Variants in SLC25A42 observed in about 807,000 individuals in gnomAD.
The protein encoded by SLC25A42 is mitochondrial coenzyme A transporter SLC25A42.
In SLC25A42, 19 loss-of-function variants were observed where a neutral mutation model predicts 34.7. The observed-to-expected ratio is 0.55, with a 90% CI of 0.38 to 0.80. The LOEUF is 0.80. Ranked by LOEUF, SLC25A42 falls within the 30% of genes least tolerant of loss-of-function variation. The probability of loss-of-function intolerance (pLI) is 0.00; values close to 1 mark genes in which losing one functional copy is unlikely to be tolerated. For missense variants in SLC25A42, 364 were observed against 441.3 expected (o/e 0.82, Z 1.57); for synonymous variants, 205 against 191.2 (o/e 1.07, Z -0.59).
chr19:19,088,168 C>G (rs1184643005), intron 1 of SLC25A42, among the ~76,000 whole-genome samples: 1 of 151,824 alleles, frequency 6.6e-6, no homozygotes, highest in Non-Finnish European at 1.5e-5. Context: ...GGTTCCAGAC[C>G]CCACCCCAGC....
At chr19:19,087,412 C>G (rs528776130) in intron 1 of SLC25A42, among the ~76,000 whole-genome samples, 3 of 152,108 alleles carry the variant, frequency 2.0e-5, no homozygotes, top group Admixed American at 2.0e-4. Context: ...CTCGGCCTCC[C>G]GAGTAGCTGG....
chr19:19,090,210 G>A (rs1480477203), intron 1 of SLC25A42, among the ~76,000 whole-genome samples: 4 of 152,080 alleles, frequency 2.6e-5, no homozygotes, highest in Admixed American at 2.6e-4. Flanking sequence ...AGGAGCTCCC[G>A]TGTCAGTTTC....
At chr19:19,095,523 G>A (rs1319855874) in intron 1 of SLC25A42, among the ~76,000 whole-genome samples, 1 of 152,166 alleles carries the variant, frequency 6.6e-6, no homozygotes, top group Non-Finnish European at 1.5e-5. Context: ...TGAAGCACAA[G>A]AATTGCTTAA....
In SLC25A42 at chr19:19,109,973, C is replaced by T. The variant is rs1211701683; in HGVS notation, c.650-596C>T. On this transcript the variant is annotated intron_variant, in intron 7 of 7. Transcript: ENST00000318596. The surrounding 1 kb of genome is among the most constrained non-coding windows in gnomAD (Gnocchi z 4.1). ...GCACCTAGAATGTTCCTTTACTAGA[C>T]GTGGAGTAGAGCTGATTAGATGTGA... is the stretch of plus-strand genomic sequence containing the variant. Among the ~76,000 whole-genome samples, 2 of 152,104 alleles carry T rather than the reference C, an allele frequency of 1.3e-5. No homozygotes were observed. The highest frequency in any genetic ancestry group is 2.4e-5 in the African/African-American group (1 of 41,414).
intron 1 of SLC25A42, among the ~76,000 whole-genome samples, chr19:19,088,127 T>C (rs2059717638): frequency 6.6e-6 from 1 of 152,110 alleles, no homozygotes; most frequent in Non-Finnish European, 1.5e-5. Flanking sequence ...CCTGCACCTC[T>C]TCTGCCTCTT....
chr19:19,093,387 G>A (rs1452252140), intron 1 of SLC25A42, among the ~76,000 whole-genome samples: 2 of 152,196 alleles, frequency 1.3e-5, no homozygotes, highest in South Asian at 2.1e-4. Flanking sequence ...CACATCTAGC[G>A]TCCCTTACGC....
intron 6 of SLC25A42, 63 bp from the exon 7 acceptor site, chr19:19,107,831 T>C: frequency 6.3e-7 from 1 of 1,590,834 alleles, no homozygotes; most frequent in South Asian, 1.1e-5. Flanking sequence ...CGAGAGCCTC[T>C]GTGGCTCCTC....
At chr19:19,064,682 G>A (rs1057412752) in intron 1 of SLC25A42, among the ~76,000 whole-genome samples, 3 of 145,312 alleles carry the variant, frequency 2.1e-5, no homozygotes, top group Non-Finnish European at 3.0e-5. Context: ...CCTGGCACCT[G>A]CCCTCTGCCC....
At chr19:19,083,329 C>A (rs2059690517) in intron 1 of SLC25A42, among the ~76,000 whole-genome samples, 1 of 152,212 alleles carries the variant, frequency 6.6e-6, no homozygotes, top group Non-Finnish European at 1.5e-5. Flanking sequence ...TCTCAAGACC[C>A]TTAACTTCAT....
intron 6 of SLC25A42, among the ~76,000 whole-genome samples, 187 bp from the exon 7 acceptor site, chr19:19,107,707 C>T (rs528186802): frequency 1.1e-3 from 173 of 152,254 alleles, no homozygotes; most frequent in South Asian, 7.3e-3. Flanking sequence ...TCTGGGCTTA[C>T]GCATGCATTT....
In SLC25A42 at chr19:19,111,855, G is replaced by A. The variant is rs2146318342; in HGVS notation, c.*979G>A. On this transcript the variant is annotated 3_prime_UTR_variant, in exon 8 of 8. Transcript: ENST00000318596. ...ATGGAGCAATTTAAAGCCCACAGGG[G>A]TTGTTCAGTTTCTATGAAATGGAGC... 1 of 152,378 alleles carries A rather than the reference G, an allele frequency of 6.6e-6. No homozygotes were observed. The highest frequency in any genetic ancestry group is 1.5e-5 in the Non-Finnish European group (1 of 68,070). The allele number at this position is 152,378 out of a possible 1,614,324, so 9.4% of individuals were successfully genotyped here. A position where few individuals can be genotyped will look rare whatever the true frequency, so the allele number is the denominator to read the frequency against.
chr19:19,068,875 A>T (rs770292015), intron 1 of SLC25A42, among the ~76,000 whole-genome samples: 1 of 150,814 alleles, frequency 6.6e-6, no homozygotes, highest in Non-Finnish European at 1.5e-5. Flanking sequence ...TAAATAAATA[A>T]ATTAGCTGGC....
chr19:19,112,692 G>A lies in SLC25A42; in HGVS notation c.*1816G>A, dbSNP rs1039328625. ...CCTAGCTGAGTGGGACCCGGCAGGAGTTGGGGACAGTGCTGTCCCCCACCC... is the reference window on the plus strand; with the variant it reads ...CCTAGCTGAGTGGGACCCGGCAGGAATTGGGGACAGTGCTGTCCCCCACCC... On this transcript the variant is annotated 3_prime_UTR_variant, in exon 8 of 8. Coordinates refer to ENST00000318596, the MANE Select transcript of SLC25A42 (RefSeq NM_178526.5). The surrounding 1 kb of genome is among the most constrained non-coding windows in gnomAD (Gnocchi z 4.3). The A allele has an allele frequency of 3.3e-5, 5 of 152,628 alleles. No homozygotes were observed. Among genetic ancestry groups the A allele is most frequent in the African/African-American group, 1.2e-4 (5 of 41,346 alleles). The allele number at this position is 152,628 out of a possible 1,614,324, so 9.5% of individuals were successfully genotyped here.
intron 1 of SLC25A42, among the ~76,000 whole-genome samples, chr19:19,077,886 CA>C (rs1169987455): frequency 6.6e-6 from 1 of 150,848 alleles, no homozygotes; most frequent in East Asian, 1.9e-4. Flanking sequence ...GACTCCAACT[CA>C]AAAAAAAAGA....
At chr19:19,079,913 A>G (rs4808916) in intron 1 of SLC25A42, among the ~76,000 whole-genome samples, 126,853 of 152,092 alleles carry the variant, frequency 0.83, 53,007 homozygotes, top group East Asian at 0.89. Flanking sequence ...CTGTGCCTGG[A>G]AGTGGAATTG....
At chr19:19,108,250 G>A (rs751519982) in intron 7 of SLC25A42, among the ~76,000 whole-genome samples, 85 of 152,180 alleles carry the variant, frequency 5.6e-4, no homozygotes, top group Non-Finnish European at 9.8e-4. Flanking sequence ...TGCCTTAAAT[G>A]CCTAAGTGAG....
intron 1 of SLC25A42, among the ~76,000 whole-genome samples, chr19:19,073,627 T>C (rs1487269582): frequency 6.6e-6 from 1 of 150,632 alleles, no homozygotes. Flanking sequence ...CAGGCTGGAG[T>C]GCAGTGGCAT....
intron 1 of SLC25A42, among the ~76,000 whole-genome samples, chr19:19,092,926 T>C (rs2059745669): frequency 6.6e-6 from 1 of 152,090 alleles, no homozygotes; most frequent in Non-Finnish European, 1.5e-5. Context: ...ACAGACGCAG[T>C]GCATCCCATG....
intron 2 of SLC25A42, 49 bp downstream of exon 2, chr19:19,096,254 T>TGGGGGCCCCCCCCCCCCCCCCCCCCCC: frequency 1.4e-6 from 2 of 1,456,724 alleles, no homozygotes; most frequent in Non-Finnish European, 9.4e-7. Flanking sequence ...GGCCCCAGCC[T>TGGGGGCCCCCCCCCCCCCCCCCCCCCC]CCCCACCCCC....
Sources: gnomAD v4.1 joint callset for allele counts (sites outside exome capture counted in the v4.1 genomes callset) on GRCh38, gnomAD v4.1.1 for gene constraint, Gnocchi (gnomAD v3.1) non-coding constraint, MANE v1.5 for transcripts, NCBI Gene and HGNC (gene_info 2026-07-23, HGNC 2026-07-21) for gene names.